The following EXD2 variants were observed in gnomAD, a reference collection of about 807,000 sequenced individuals.
EXD2 encodes exonuclease 3'-5' domain containing 2.
Under a neutral mutation model 62.5 loss-of-function variants are expected in EXD2, and 40 were observed. The observed-to-expected ratio is 0.64, with a 90% confidence interval of 0.50 to 0.83. EXD2 has a LOEUF of 0.83. EXD2 is among the 40% of genes least tolerant of loss of function. The pLI, the probability that EXD2 is intolerant of heterozygous loss-of-function variation, is 0.00. For missense variants in EXD2, 671 were observed against 761.8 expected, an observed-to-expected ratio of 0.88 and a Z score of 1.40; for synonymous variants, 239 against 291.9, an observed-to-expected ratio of 0.82 and a Z score of 1.85.
intron 3 of EXD2, among the ~76,000 whole-genome samples, chr14:69,225,828 C>T (rs2043341053): frequency 6.6e-6 from 1 of 152,164 alleles, no homozygotes; most frequent in Admixed American, 6.5e-5. Context: ...AAACATTATT[C>T]TTCCAATTAT....
intron 1 of EXD2, among the ~76,000 whole-genome samples, chr14:69,194,956 C>T (rs1323002199): frequency 6.6e-6 from 1 of 152,134 alleles, no homozygotes; most frequent in Non-Finnish European, 1.5e-5. Context: ...CGGTGGCTTA[C>T]GCCTGTAATC....
chr14:69,242,048 G>C lies in EXD2; in HGVS notation c.*948G>C, dbSNP rs2043996287. ...TTCACTCCCAGAGTCATCTGGTCAG[G>C]TTGCAATATGAGGACTTCTCTGTCT... On this transcript the variant is annotated 3_prime_UTR_variant, in exon 10 of 10. Transcript: ENST00000685843. The C allele has an allele frequency of 2.5e-6, 1 of 398,598 alleles. No homozygotes were observed. Among genetic ancestry groups the C allele is most frequent in the Non-Finnish European group, 4.4e-6 (1 of 226,068 alleles). 24.7% of individuals were successfully genotyped at this position (398,598 alleles called of 1,614,324 possible). A position where few individuals can be genotyped will look rare whatever the true frequency, so the allele number is the denominator to read the frequency against.
intron 2 of EXD2, among the ~76,000 whole-genome samples, chr14:69,207,709 C>T (rs1471463333): frequency 7.2e-5 from 11 of 152,050 alleles, no homozygotes. Context: ...TTTTTTAAAA[C>T]TGTAAGTTTA....
Position 69,230,537 on chromosome 14 carries a change from T to C in EXD2, c.656T>C (p.Leu219Pro), listed in dbSNP as rs1450893559. 2.5e-6 allele frequency: 4 copies of C among 1,614,032 alleles called. No individual in the cohort carries two copies. The South Asian group carries it at 4.4e-5, about 18-fold the overall frequency. Residue 219 changes from leucine (L) to proline (P), a missense_variant, in exon 5 of 10, where the codon CTT becomes CCT. Transcript: ENST00000685843. Reference sequence around the variant, plus strand: ...GCTGAGACTGTTTTGAACTTTCCCCTTGACAAGTCCCTTCTACTTCGTTGC... The same window carrying C: ...GCTGAGACTGTTTTGAACTTTCCCCCTGACAAGTCCCTTCTACTTCGTTGC... ...SLAETVLNFP[L>P]DKSLLLRCSN...
chr14:69,209,187 G>T, intron 2 of EXD2: 1 of 245,482 alleles, frequency 4.1e-6, no homozygotes, highest in Non-Finnish European at 7.8e-6. Context: ...AGAGAGCCAT[G>T]GGGAACTGTC....
intron 3 of EXD2, chr14:69,210,021 A>G (rs1235894680): frequency 2.5e-6 from 1 of 397,664 alleles, no homozygotes; most frequent in Non-Finnish European, 4.5e-6. Flanking sequence ...TCAAACCTAT[A>G]TGAATTGTAT....
In EXD2 at chr14:69,204,556, TA is replaced by T. The variant is rs961163915; in HGVS notation, c.-48+566del. Among the ~76,000 whole-genome samples, 153 of 149,362 alleles carry T rather than the reference TA, an allele frequency of 1.0e-3. 1 individual carries two copies. The highest frequency in any genetic ancestry group is 3.5e-3 in the African/African-American group (143 of 40,836). On this transcript the variant is annotated intron_variant, in intron 2 of 9. Coordinates refer to ENST00000685843, the MANE Select transcript of EXD2 (RefSeq NM_001193360.2). The stretch of plus-strand genomic sequence containing the variant: ...TGGGCAACAGAGTGAAACTCTGTCT[TA>T]AAAAAAAAAGTTTTATGTTCAGTTA...
intron 3 of EXD2, among the ~76,000 whole-genome samples, chr14:69,225,018 C>G (rs1392064406): frequency 2.0e-5 from 3 of 152,184 alleles, no homozygotes; most frequent in African/African-American, 7.2e-5. Context: ...CCTACATGCT[C>G]TTAAGGTCTT....
rs918151816 is a variant in EXD2, at chr14:69,243,324, A to G, written c.*2224A>G. 3 of 152,246 alleles carry G rather than the reference A, an allele frequency of 2.0e-5. No homozygotes were observed. The highest frequency in any genetic ancestry group is 6.5e-5 in the Admixed American group (1 of 15,282). The allele number at this position is 152,246 out of a possible 1,614,324, so 9.4% of individuals were successfully genotyped here. A position where few individuals can be genotyped will look rare whatever the true frequency, so the allele number is the denominator to read the frequency against. ...TCTAAACAAAGAATAAAAATTAGCC[A>G]TCTTCTCTCCATCTAAAACAGAGCT... On this transcript the variant is annotated 3_prime_UTR_variant, in exon 10 of 10. Transcript: ENST00000685843.
chr14:69,209,840 A>AC, intron 3 of EXD2, 37 bp downstream of exon 3: 1 of 1,406,516 alleles, frequency 7.1e-7, no homozygotes, highest in Non-Finnish European at 9.4e-7. Context: ...AAAAAAAAAA[A>AC]AACAACTTCT....
chr14:69,235,903 C>T (rs1014440216), intron 6 of EXD2, 143 bp from the exon 7 acceptor site: 11 of 738,370 alleles, frequency 1.5e-5, no homozygotes, highest in Non-Finnish European at 2.5e-5. Context: ...CATGGTTTCT[C>T]ACTCTGTTTT....
Position 69,230,559 on chromosome 14 carries a change from T to C in EXD2, c.678T>C (p.Arg226=). 6.2e-7 allele frequency: 1 copy of C among 1,613,978 alleles called. No homozygotes were observed. Among genetic ancestry groups the C allele is most frequent in the South Asian group, 1.1e-5 (1 of 91,066 alleles). ...CCCTTGACAAGTCCCTTCTACTTCG[T>C]TGCAGCAACTGGGATGCTGAGACTC... ...NFPLDKSLLL[R]CSNWDAETLT... is the part of the protein sequence containing the mutation. Residue 226 remains arginine (R), a synonymous_variant, in exon 5 of 10, where the codon CGT becomes CGC. Transcript: ENST00000685843.
Position 69,243,710 on chromosome 14 carries a change from G to A in EXD2, c.*2610G>A, listed in dbSNP as rs963517120. ...GTGAAGAGGGGGATTCACATTGCTG[G>A]GGCTAAGTACAAATTGACATCACCT... On this transcript the variant is annotated 3_prime_UTR_variant, in exon 10 of 10. Transcript: ENST00000685843. The A allele has an allele frequency of 5.9e-5, 9 of 152,106 alleles. No individual in the cohort carries two copies. Among genetic ancestry groups the A allele is most frequent in the African/African-American group, 2.2e-4 (9 of 41,418 alleles). 9.4% of individuals were successfully genotyped at this position (152,106 alleles called of 1,614,324 possible). A position where few individuals can be genotyped will look rare whatever the true frequency, so the allele number is the denominator to read the frequency against.
rs534877052 is a variant in EXD2 at position 69,206,212 on chromosome 14, C to T, written c.-48+2212C>T. 2.0e-5 allele frequency among the ~76,000 whole-genome samples: 3 copies of T among 152,186 alleles called. No individual in the cohort carries two copies. The South Asian group carries it at 6.2e-4, about 32-fold the overall frequency. On this transcript the variant is annotated intron_variant, in intron 2 of 9. Transcript: ENST00000685843. ...CTGGGATTACAGGTGTGAGCCACTGCACCCAGCTGAGGAATTTTCCTCTTT... is the reference window on the plus strand; with the variant it reads ...CTGGGATTACAGGTGTGAGCCACTGTACCCAGCTGAGGAATTTTCCTCTTT...
intron 2 of EXD2, among the ~76,000 whole-genome samples, chr14:69,204,949 C>T (rs747531325): frequency 4.6e-5 from 7 of 152,200 alleles, no homozygotes; most frequent in Non-Finnish European, 7.3e-5. Context: ...TTCCTGTTCT[C>T]ATGGACAGAC....
At chr14:69,208,079 A>G (rs1373856173) in intron 2 of EXD2, among the ~76,000 whole-genome samples, 3 of 146,704 alleles carry the variant, frequency 2.0e-5, no homozygotes, top group Non-Finnish European at 4.5e-5. Flanking sequence ...TTGTGTTTTT[A>G]GTAGAGATGG....
At chr14:69,233,220 T>C (rs897064828) in intron 5 of EXD2, among the ~76,000 whole-genome samples, 2 of 152,156 alleles carry the variant, frequency 1.3e-5, no homozygotes, top group Admixed American at 6.5e-5. Flanking sequence ...CTAATAGATA[T>C]GTAGATTGTT....
At chr14:69,224,684 G>C (rs954650220) in intron 3 of EXD2, among the ~76,000 whole-genome samples, 5 of 152,092 alleles carry the variant, frequency 3.3e-5, no homozygotes, top group African/African-American at 1.2e-4. Context: ...CCATTGCTTA[G>C]AGTAAAATGC....
At chr14:69,209,216 C>A in intron 2 of EXD2, 1 of 288,000 alleles carries the variant, frequency 3.5e-6, no homozygotes, top group Non-Finnish European at 6.5e-6. Context: ...GGGAGATTTC[C>A]TGGGGTGAGG....
Sources: allele counts gnomAD v4.1 joint callset (sites outside exome capture counted in the v4.1 genomes callset), GRCh38; gene constraint gnomAD v4.1.1; transcripts MANE v1.5; gene names NCBI Gene and HGNC (gene_info 2026-07-23, HGNC 2026-07-21).